Variants in UBAP1 observed in about 807,000 individuals in gnomAD.
The protein encoded by UBAP1 is ubiquitin-associated protein 1.
UBAP1 carries 5 observed loss-of-function variants against 39.0 expected under a neutral mutation model. The observed-to-expected ratio is 0.13, with a 90% CI of 0.07 to 0.27. The LOEUF is 0.27. Among genes scored for constraint, UBAP1 ranks in the 10% least tolerant of loss-of-function variants. The pLI is 1.00. For synonymous variants in UBAP1, 211 were observed against 225.1 expected (o/e 0.94, Z 0.56); for missense variants, 490 against 608.1 (o/e 0.81, Z 2.04).
chr9:34,194,055 T>C (rs10814078), intron 1 of UBAP1, among the ~76,000 whole-genome samples: 56,905 of 151,946 alleles, frequency 0.37, 11,671 homozygotes, highest in East Asian at 0.89. Context: ...GTGGGAATTA[T>C]GAACCAGGAA....
chr9:34,196,423 C>G (rs565081323), intron 1 of UBAP1, among the ~76,000 whole-genome samples: 2 of 151,442 alleles, frequency 1.3e-5, no homozygotes, highest in South Asian at 4.2e-4. Flanking sequence ...TCAAGCGATT[C>G]TCCTGCCTCA....
intron 1 of UBAP1, among the ~76,000 whole-genome samples, chr9:34,192,316 AC>A (rs1183886910): frequency 6.6e-6 from 1 of 151,748 alleles, no homozygotes; most frequent in Non-Finnish European, 1.5e-5. Flanking sequence ...GGAATGTGAG[AC>A]CAGCCTGACC....
At position 34,241,271 on chromosome 9, in the gene UBAP1, A is replaced by G. The variant is rs145327425; in HGVS notation, c.246A>G (p.Lys82=). 24 of 1,506,816 alleles carry G rather than the reference A, an allele frequency of 1.6e-5. No individual in the cohort carries two copies. Among genetic ancestry groups the G allele is most frequent in the Non-Finnish European group, 1.9e-5 (22 of 1,128,988 alleles). The allele number at this position is 1,506,816 out of a possible 1,614,324, so 93.3% of individuals were successfully genotyped here. A position where few individuals can be genotyped will look rare whatever the true frequency, so the allele number is the denominator to read the frequency against. ...AAGCCGAGCGGGAAGCAGAGTGCAA[A>G]ATTGCGGAAGCAGAAGCTAAAGTGA... is the stretch of plus-strand genomic sequence containing the variant. ...IEEAEREAEC[K]IAEAEAKVNS... Residue 82 remains lysine, a synonymous_variant, in exon 4 of 7, where the codon AAA becomes AAG. Transcript: ENST00000297661.
chr9:34,251,771 G>T lies in UBAP1; in HGVS notation c.*239G>T, dbSNP rs879082270. Reference sequence around the variant, plus strand: ...GGCTCCTTCCGTATTAAACGCATTTGCATTTTGAGAAGTGTCCTTCCCACT... The same window carrying T: ...GGCTCCTTCCGTATTAAACGCATTTTCATTTTGAGAAGTGTCCTTCCCACT... On this transcript the variant is annotated 3_prime_UTR_variant, in exon 7 of 7. Transcript: ENST00000297661. 2.1e-6 allele frequency: 1 copy of T among 480,806 alleles called. No individual in the cohort carries two copies. The highest frequency in any genetic ancestry group is 3.7e-5 in the South Asian group (1 of 27,188). 29.8% of individuals were successfully genotyped at this position (480,806 alleles called of 1,614,324 possible).
At chr9:34,226,130 TGTG>T (rs1833073007) in intron 2 of UBAP1, among the ~76,000 whole-genome samples, 1 of 139,206 alleles carries the variant, frequency 7.2e-6, no homozygotes, top group Non-Finnish European at 1.5e-5. Flanking sequence ...TGTGTGTGTG[TGTG>T]TGTGTGTGTG....
In UBAP1 at chr9:34,179,252, C is replaced by T; in HGVS notation, c.-8+12C>T. ...GCAGCGGCATTCAGGTGAGGGGGGCCTCCCTCTGGGGGAGGGGGAAGAGGG... is the reference window on the plus strand; with the variant it reads ...GCAGCGGCATTCAGGTGAGGGGGGCTTCCCTCTGGGGGAGGGGGAAGAGGG... On this transcript the variant is annotated intron_variant, in intron 1 of 6. Coordinates refer to ENST00000297661, the MANE Select transcript of UBAP1 (RefSeq NM_016525.5). The T allele has an allele frequency of 9.4e-7, 1 of 1,067,786 alleles. No individual in the cohort carries two copies. The allele number at this position is 1,067,786 out of a possible 1,614,324, so 66.1% of individuals were successfully genotyped here. A position where few individuals can be genotyped will look rare whatever the true frequency, so the allele number is the denominator to read the frequency against.
At chr9:34,250,976 G>A in intron 6 of UBAP1, 1 of 560,948 alleles carries the variant, frequency 1.8e-6, no homozygotes, top group East Asian at 3.3e-5. Flanking sequence ...GAATCCCAGT[G>A]AAGGGAAGGG....
intron 1 of UBAP1, among the ~76,000 whole-genome samples, chr9:34,192,130 C>T (rs1424546978): frequency 6.6e-6 from 1 of 151,644 alleles, no homozygotes. Flanking sequence ...AGGCATGAGC[C>T]ACGGTCCCCG....
At chr9:34,194,773 T>C (rs570371666) in intron 1 of UBAP1, among the ~76,000 whole-genome samples, 9 of 152,346 alleles carry the variant, frequency 5.9e-5, no homozygotes, top group Non-Finnish European at 1.3e-4. Context: ...ACAATAACTT[T>C]ATGAGATAGT....
intron 3 of UBAP1, among the ~76,000 whole-genome samples, chr9:34,234,888 A>G (rs2131608705): frequency 6.6e-6 from 1 of 152,312 alleles, no homozygotes; most frequent in Admixed American, 6.5e-5. Context: ...AGTTAACTGT[A>G]GAACAGCCTC....
chr9:34,250,406 G>T (rs1013425193), intron 5 of UBAP1, among the ~76,000 whole-genome samples: 16 of 152,166 alleles, frequency 1.1e-4, no homozygotes, highest in Non-Finnish European at 2.1e-4. Flanking sequence ...CATTCTGGTG[G>T]GCGTGTCAGC....
Position 34,241,967 on chromosome 9 carries a change from T to C in UBAP1, c.942T>C (p.Asn314=), listed in dbSNP as rs1257078036. Residue 314 remains asparagine (N), a synonymous_variant, in exon 4 of 7, where the codon AAT becomes AAC. Coordinates refer to ENST00000297661, the MANE Select transcript of UBAP1 (RefSeq NM_016525.5). Reference sequence around the variant, plus strand: ...CCCAAAGCAGTGCCAGTGAGCTCAATGGGCATCACACTCTTGGGCTTTCAG... The same window carrying C: ...CCCAAAGCAGTGCCAGTGAGCTCAACGGGCATCACACTCTTGGGCTTTCAG... ...PSTQSSASEL[N]GHHTLGLSAL... 2 of 1,614,046 alleles carry C rather than the reference T, an allele frequency of 1.2e-6. No homozygotes were observed. The highest frequency in any genetic ancestry group is 1.1e-5 in the South Asian group (1 of 91,078).
intron 2 of UBAP1, among the ~76,000 whole-genome samples, chr9:34,222,575 G>A (rs938972524): frequency 3.9e-5 from 6 of 151,994 alleles, no homozygotes; most frequent in Non-Finnish European, 5.9e-5. Flanking sequence ...TGAGAGGATC[G>A]CTTGAGGCCA....
At chr9:34,211,865 C>T in intron 1 of UBAP1, 1 of 207,116 alleles carries the variant, frequency 4.8e-6, no homozygotes, top group Non-Finnish European at 1.0e-5. Context: ...TGTCTTTAAC[C>T]AGTAATTCAG....
At chr9:34,236,897 C>T (rs1030961792) in intron 3 of UBAP1, among the ~76,000 whole-genome samples, 2 of 151,978 alleles carry the variant, frequency 1.3e-5, no homozygotes, top group Non-Finnish European at 2.9e-5. Context: ...CAATTGAGCT[C>T]ATCACCTCCT....
At chr9:34,182,659 CTTTCT>C (rs1371685452) in intron 1 of UBAP1, among the ~76,000 whole-genome samples, 1 of 55,206 alleles carries the variant, frequency 1.8e-5, no homozygotes, top group South Asian at 9.4e-4. Context: ...TTCTTTCTTT[CTTTCT>C]TTCTTTCTTT....
intron 5 of UBAP1, 33 bp from the exon 6 acceptor site, chr9:34,250,625 A>C (rs1434112468): frequency 2.6e-6 from 4 of 1,558,868 alleles, no homozygotes; most frequent in Non-Finnish European, 2.6e-6. Flanking sequence ...AAAGAGCAGC[A>C]GTAGGTGCTA....
At chr9:34,207,048 C>CT (rs34197502) in intron 1 of UBAP1, among the ~76,000 whole-genome samples, 55,070 of 90,174 alleles carry the variant, frequency 0.61, 18,259 homozygotes, top group South Asian at 0.8. Flanking sequence ...ATTGTTATTT[C>CT]TTTTTTTTTT....
chr9:34,225,549 A>G (rs1832996954), intron 2 of UBAP1, among the ~76,000 whole-genome samples: 3 of 151,990 alleles, frequency 2.0e-5, no homozygotes, highest in Admixed American at 1.3e-4. Context: ...AGGTTGAGGC[A>G]GGCGGATCAT....
Sources: gnomAD v4.1 joint callset for allele counts (sites outside exome capture counted in the v4.1 genomes callset) on GRCh38, gnomAD v4.1.1 for gene constraint, MANE v1.5 for transcripts, NCBI Gene and HGNC (gene_info 2026-07-23, HGNC 2026-07-21) for gene names.